The following ST8SIA1 variants were observed in gnomAD, a reference collection of about 807,000 sequenced individuals.
ST8SIA1 encodes alpha-N-acetylneuraminide alpha-2,8-sialyltransferase.
In ST8SIA1, 16 loss-of-function variants were observed where a neutral mutation model predicts 35.9. That is an observed-to-expected ratio of 0.45 (90% CI 0.30 to 0.68). ST8SIA1 has a LOEUF of 0.68. Ranked by LOEUF, ST8SIA1 falls within the 30% of genes least tolerant of loss-of-function variation. The pLI is 0.09. For missense variants in ST8SIA1, 383 were observed against 453.6 expected, an observed-to-expected ratio of 0.84 and a Z score of 1.41; for synonymous variants, 170 against 169.6, an observed-to-expected ratio of 1.00 and a Z score of -0.02.
intron 1 of ST8SIA1, 112 bp downstream of exon 1, chr12:22,333,885 T>A (rs377303873): frequency 2.1e-6 from 2 of 944,088 alleles, no homozygotes; most frequent in Admixed American, 1.7e-5. Context: ...GAAGAGCGGA[T>A]GAAAGGGATG....
chr12:22,207,023 G>C (rs1419927023), intron 4 of ST8SIA1, among the ~76,000 whole-genome samples: 1 of 152,184 alleles, frequency 6.6e-6, no homozygotes, highest in Non-Finnish European at 1.5e-5. Flanking sequence ...CAGAAAAATA[G>C]CTATACAGTA....
chr12:22,261,294 G>A (rs1441584511), intron 2 of ST8SIA1, among the ~76,000 whole-genome samples: 3 of 151,988 alleles, frequency 2.0e-5, no homozygotes, highest in African/African-American at 7.3e-5. Flanking sequence ...ACAGGTGCCC[G>A]CCACCACGCT....
chr12:22,321,900 G>C (rs1055367871), intron 1 of ST8SIA1, among the ~76,000 whole-genome samples: 1 of 152,194 alleles, frequency 6.6e-6, no homozygotes, highest in Non-Finnish European at 1.5e-5. Flanking sequence ...TGCTTACAAA[G>C]TGAGCAATCC....
intron 4 of ST8SIA1, among the ~76,000 whole-genome samples, chr12:22,206,518 T>C (rs1865112372): frequency 1.3e-5 from 2 of 152,128 alleles, no homozygotes; most frequent in Non-Finnish European, 1.5e-5. Context: ...TGGGTAGGTG[T>C]CCAGAAAGCT....
chr12:22,258,305 C>A (rs143408717), intron 2 of ST8SIA1, among the ~76,000 whole-genome samples: 5 of 152,082 alleles, frequency 3.3e-5, no homozygotes, highest in African/African-American at 1.2e-4. Context: ...CCTTTAGATA[C>A]CCAGGTGGCA....
At chr12:22,303,846 CCACACACACACACA>C (rs61596419) in intron 1 of ST8SIA1, among the ~76,000 whole-genome samples, 2,005 of 140,772 alleles carry the variant, frequency 0.014, 38 homozygotes, top group African/African-American at 0.05. Flanking sequence ...CACCACCCTG[CCACACACACACACA>C]CACACACACA....
chr12:22,252,841 C>T (rs899764130), intron 3 of ST8SIA1, among the ~76,000 whole-genome samples: 3 of 152,210 alleles, frequency 2.0e-5, no homozygotes, highest in Non-Finnish European at 2.9e-5. Flanking sequence ...GGATGACACA[C>T]ACACATACAC....
chr12:22,290,638 A>G (rs1270764703), intron 1 of ST8SIA1, among the ~76,000 whole-genome samples: 1 of 152,176 alleles, frequency 6.6e-6, no homozygotes, highest in African/African-American at 2.4e-5. Flanking sequence ...GGAGGACATT[A>G]AGTCATATCC....
intron 2 of ST8SIA1, among the ~76,000 whole-genome samples, chr12:22,261,000 C>T (rs528254288): frequency 5.3e-5 from 8 of 151,754 alleles, no homozygotes; most frequent in African/African-American, 1.9e-4. Context: ...CCTCAGCCAC[C>T]AGAACAGCTG....
At position 22,334,079 on chromosome 12, in the gene ST8SIA1, G is replaced by T. The variant is rs747571694; in HGVS notation, c.154C>A (p.Pro52Thr). 1 of 1,613,930 alleles carries T rather than the reference G, an allele frequency of 6.2e-7. No individual in the cohort carries two copies. The highest frequency in any genetic ancestry group is 1.7e-5 in the Admixed American group (1 of 59,990). Residue 52 changes from proline (P) to threonine (T), a missense_variant, in exon 1 of 5, where the codon CCC (proline) becomes ACC (threonine). Pro to Thr is a conservative substitution (Grantham distance 38, BLOSUM62 -1). Coordinates refer to ENST00000396037, the MANE Select transcript of ST8SIA1 (RefSeq NM_003034.4). ...WLYIFPVYRLPNEKEIVQGVL... is the reference protein window; with the variant it reads ...WLYIFPVYRLTNEKEIVQGVL... ...CCCTGCACGATCTCTTTCTCGTTGG[G>T]CAGCCGGTAGACGGGGAAGATGTAG... is the stretch of plus-strand genomic sequence containing the variant.
intron 4 of ST8SIA1, among the ~76,000 whole-genome samples, chr12:22,215,254 T>C (rs1051670063): frequency 6.6e-6 from 1 of 152,220 alleles, no homozygotes; most frequent in African/African-American, 2.4e-5. Flanking sequence ...ATTTCTTCTC[T>C]TGTGTCACCC....
At position 22,198,017 on chromosome 12, in the gene ST8SIA1, A is replaced by C. The variant is rs1207723119; in HGVS notation, c.*3535T>G. On this transcript the variant is annotated 3_prime_UTR_variant, in exon 5 of 5. Coordinates refer to ENST00000396037, the MANE Select transcript of ST8SIA1 (RefSeq NM_003034.4). ...CCATATAAAAATCTTTCATATAAACATTACTTTTCTTAATTATGGAATGAC... is the reference window on the plus strand; with the variant it reads ...CCATATAAAAATCTTTCATATAAACCTTACTTTTCTTAATTATGGAATGAC... 6.6e-6 allele frequency: 1 copy of C among 152,166 alleles called. No individual in the cohort carries two copies. The highest frequency in any genetic ancestry group is 2.4e-5 in the African/African-American group (1 of 41,448). The allele number at this position is 152,166 out of a possible 1,614,324, so 9.4% of individuals were successfully genotyped here.
At chr12:22,315,116 C>A (rs956322017) in intron 1 of ST8SIA1, among the ~76,000 whole-genome samples, 2 of 152,096 alleles carry the variant, frequency 1.3e-5, no homozygotes, top group African/African-American at 4.8e-5. Context: ...GTTACAATTA[C>A]CTGGAGATCA....
At chr12:22,228,656 T>C (rs1175548931) in intron 4 of ST8SIA1, among the ~76,000 whole-genome samples, 1 of 152,204 alleles carries the variant, frequency 6.6e-6, no homozygotes, top group African/African-American at 2.4e-5. Context: ...ACATTGCATG[T>C]GTGCAGAGCT....
Position 22,320,998 on chromosome 12 carries a change from A to G in ST8SIA1, c.236+12999T>C, listed in dbSNP as rs201285103. 4.9e-3 allele frequency among the ~76,000 whole-genome samples: 493 copies of G among 100,616 alleles called. 4 individuals carry two copies. The highest frequency in any genetic ancestry group is 9.5e-3 in the Middle Eastern group (2 of 210). 66.0% of individuals were successfully genotyped at this position (100,616 alleles called of 152,430 possible). On this transcript the variant is annotated intron_variant, in intron 1 of 4. Coordinates refer to ENST00000396037, the MANE Select transcript of ST8SIA1 (RefSeq NM_003034.4). ...AAGAAAGAAAGAAAGAAAGAAAGAA[A>G]GAAAGAAGAAAGAAAGAAAGAAAGA...
intron 4 of ST8SIA1, among the ~76,000 whole-genome samples, chr12:22,248,572 C>T (rs534715613): frequency 6.6e-6 from 1 of 152,222 alleles, no homozygotes; most frequent in Non-Finnish European, 1.5e-5. Context: ...TCCATTCTGA[C>T]AATATTGCTA....
chr12:22,327,628 T>C (rs377159847), intron 1 of ST8SIA1, among the ~76,000 whole-genome samples: 4 of 152,128 alleles, frequency 2.6e-5, no homozygotes, highest in Admixed American at 2.6e-4. Context: ...CCTTAAAGTA[T>C]AGGGCACAGA....
intron 1 of ST8SIA1, among the ~76,000 whole-genome samples, chr12:22,321,047 A>AG (rs1866593764): frequency 6.6e-6 from 1 of 151,238 alleles, no homozygotes; most frequent in Non-Finnish European, 1.5e-5. Flanking sequence ...AAAGAGAAAG[A>AG]AAAGAAAAGG....
At chr12:22,332,140 T>C (rs1449576553) in intron 1 of ST8SIA1, among the ~76,000 whole-genome samples, 1 of 152,206 alleles carries the variant, frequency 6.6e-6, no homozygotes, top group African/African-American at 2.4e-5. Context: ...TGGTGCCTTT[T>C]ACATGGTTTT....
Sources: allele counts gnomAD v4.1 joint callset (sites outside exome capture counted in the v4.1 genomes callset), GRCh38; gene constraint gnomAD v4.1.1; transcripts MANE v1.5; gene names NCBI Gene and HGNC (gene_info 2026-07-23, HGNC 2026-07-21).